Variants in CD247 observed in about 807,000 individuals in gnomAD.
CD247 encodes the protein T-cell surface glycoprotein CD3 zeta chain.
Under a neutral mutation model 30.0 loss-of-function variants are expected in CD247, and 13 were observed. The ratio of observed to expected loss-of-function variants is 0.43; its 90% confidence interval spans 0.28 to 0.69. CD247 has a LOEUF of 0.69. Ranked by LOEUF, CD247 falls within the 30% of genes least tolerant of loss-of-function variation. The probability of loss-of-function intolerance (pLI) is 0.16; values close to 1 mark genes in which losing one functional copy is unlikely to be tolerated. For synonymous variants in CD247, 72 were observed against 80.0 expected (o/e 0.90, Z 0.53); for missense variants, 193 against 212.6 (o/e 0.91, Z 0.57).
intron 1 of CD247, among the ~76,000 whole-genome samples, chr1:167,473,777 A>G (rs1382448628): frequency 6.6e-6 from 1 of 152,180 alleles, no homozygotes; most frequent in East Asian, 1.9e-4. Context: ...CTCACTGTGA[A>G]GGGGAACCCC....
intron 1 of CD247, among the ~76,000 whole-genome samples, chr1:167,514,650 C>T (rs1032491050): frequency 2.6e-5 from 4 of 151,926 alleles, no homozygotes. Flanking sequence ...TTCAAAGTGA[C>T]GAACACCATC....
At chr1:167,461,063 C>T (rs1384941134) in intron 1 of CD247, among the ~76,000 whole-genome samples, 3 of 152,254 alleles carry the variant, frequency 2.0e-5, no homozygotes, top group Non-Finnish European at 2.9e-5. Flanking sequence ...CAAAGCCTGC[C>T]GTGCCTGCAG....
chr1:167,477,235 A>G (rs1431693389), intron 1 of CD247, among the ~76,000 whole-genome samples: 2 of 152,216 alleles, frequency 1.3e-5, no homozygotes, highest in Non-Finnish European at 2.9e-5. Context: ...CTTAGAGAAA[A>G]TAGGAGCGGC....
chr1:167,501,053 CTTTTTTTT>C (rs569489236), intron 1 of CD247, among the ~76,000 whole-genome samples: 1,748 of 124,350 alleles, frequency 0.014, 41 homozygotes, highest in African/African-American at 0.051. Flanking sequence ...TCCTATTGTT[CTTTTTTTT>C]TTTTTTTTTT....
intron 1 of CD247, among the ~76,000 whole-genome samples, chr1:167,479,170 C>T (rs1653869116): frequency 6.6e-6 from 1 of 152,162 alleles, no homozygotes; most frequent in Non-Finnish European, 1.5e-5. Context: ...TTAATCCCAA[C>T]CATGTAAAGA....
chr1:167,502,008 G>A (rs887288034), intron 1 of CD247, among the ~76,000 whole-genome samples: 5 of 152,226 alleles, frequency 3.3e-5, no homozygotes, highest in Non-Finnish European at 7.3e-5. Flanking sequence ...CGAGATGGGA[G>A]GCACCCTCCC....
chr1:167,489,457 T>G (rs1185460266), intron 1 of CD247, among the ~76,000 whole-genome samples: 1 of 152,198 alleles, frequency 6.6e-6, no homozygotes, highest in Non-Finnish European at 1.5e-5. Flanking sequence ...CTCTCAGCTT[T>G]CTTTCTATTC....
chr1:167,498,959 A>T (rs1312955180), intron 1 of CD247, among the ~76,000 whole-genome samples: 2 of 152,168 alleles, frequency 1.3e-5, no homozygotes, highest in Non-Finnish European at 2.9e-5. Flanking sequence ...GGGGCTCCTG[A>T]GGACATCATT....
intron 1 of CD247, among the ~76,000 whole-genome samples, chr1:167,510,940 A>G (rs1044859666): frequency 6.6e-6 from 1 of 152,090 alleles, no homozygotes; most frequent in South Asian, 2.1e-4. Flanking sequence ...TGGCCCACTA[A>G]GAGTCTCAGA....
At chr1:167,446,211 CACTT>C (rs2102003564) in intron 1 of CD247, among the ~76,000 whole-genome samples, 1 of 152,300 alleles carries the variant, frequency 6.6e-6, no homozygotes, top group East Asian at 1.9e-4. Flanking sequence ...CCACTTTTGA[CACTT>C]AGTCACAACG....
chr1:167,493,761 A>G (rs1654555096), intron 1 of CD247, among the ~76,000 whole-genome samples: 1 of 152,206 alleles, frequency 6.6e-6, no homozygotes, highest in African/African-American at 2.4e-5. Context: ...CCGAGGCCCC[A>G]CAGCTAGTTA....
In CD247 at chr1:167,471,106, C is replaced by T. The variant is rs1183487757; in HGVS notation, c.59-30339G>A. Reference sequence around the variant, plus strand: ...TAGGATGGTCTTGATTTTCTAACCTCGTGATCTGCCTGCCTCGGCTTCCCA... The same window carrying T: ...TAGGATGGTCTTGATTTTCTAACCTTGTGATCTGCCTGCCTCGGCTTCCCA... On this transcript the variant is annotated intron_variant, in intron 1 of 7. Coordinates refer to ENST00000362089, the MANE Select transcript of CD247 (RefSeq NM_198053.3). Among the ~76,000 whole-genome samples, 4 of 152,002 alleles carry T rather than the reference C, an allele frequency of 2.6e-5. No homozygotes were observed. In the East Asian group the frequency reaches 7.7e-4, roughly 29 times the overall value.
chr1:167,441,275 G>A (rs1487052791), intron 1 of CD247, among the ~76,000 whole-genome samples: 4 of 152,178 alleles, frequency 2.6e-5, no homozygotes, highest in Admixed American at 2.0e-4. Flanking sequence ...GAGAATCTGG[G>A]TTAACTCTCC....
At chr1:167,512,151 C>T (rs1026312952) in intron 1 of CD247, among the ~76,000 whole-genome samples, 2 of 152,116 alleles carry the variant, frequency 1.3e-5, no homozygotes, top group African/African-American at 2.4e-5. Flanking sequence ...TTGGCTGCTT[C>T]GGGCAGTAAT....
chr1:167,512,356 G>A (rs751836088), intron 1 of CD247, among the ~76,000 whole-genome samples: 3 of 152,194 alleles, frequency 2.0e-5, no homozygotes, highest in Non-Finnish European at 2.9e-5. Context: ...AGGCAAGGAA[G>A]AAGGAAGTTC....
chr1:167,494,484 T>C lies in CD247; in HGVS notation c.58+23924A>G, dbSNP rs1262894808. Among the ~76,000 whole-genome samples the C allele has an allele frequency of 6.6e-6, 1 of 152,120 alleles. No homozygotes were observed. The highest frequency in any genetic ancestry group is 1.5e-5 in the Non-Finnish European group (1 of 68,018). ...AGCTCCCTGGGCTGCAGTTTTCCCA[T>C]CTGTGATATGGGGATAATGTCCTCA... On this transcript the variant is annotated intron_variant, in intron 1 of 7. Transcript: ENST00000362089. This position sits in a 1 kb window ranked among gnomAD's most constrained non-coding sequence, Gnocchi z 7.3.
intron 4 of CD247, among the ~76,000 whole-genome samples, chr1:167,436,178 C>T (rs1160618495): frequency 6.6e-6 from 1 of 152,222 alleles, no homozygotes; most frequent in Non-Finnish European, 1.5e-5. Flanking sequence ...AATCAATAAA[C>T]ATGATACACC....
At chr1:167,470,218 C>G (rs939008406) in intron 1 of CD247, among the ~76,000 whole-genome samples, 3 of 152,066 alleles carry the variant, frequency 2.0e-5, no homozygotes, top group Non-Finnish European at 4.4e-5. Context: ...CTGGCCTTTT[C>G]TCAGTACTTT....
chr1:167,435,742 T>C (rs556559487), intron 4 of CD247, among the ~76,000 whole-genome samples: 6 of 152,342 alleles, frequency 3.9e-5, no homozygotes, highest in Non-Finnish European at 4.4e-5. Flanking sequence ...AAGTGGGACT[T>C]TTGGCTGAAG....
Sources: gnomAD v4.1 joint callset for allele counts (sites outside exome capture counted in the v4.1 genomes callset) on GRCh38, gnomAD v4.1.1 for gene constraint, Gnocchi (gnomAD v3.1) non-coding constraint, MANE v1.5 for transcripts, NCBI Gene and HGNC (gene_info 2026-07-23, HGNC 2026-07-21) for gene names.